Variants in GIMAP8 observed in about 807,000 individuals in gnomAD.
The protein encoded by GIMAP8 is GTPase IMAP family member 8.
A neutral mutation model predicts 35.6 loss-of-function variants in GIMAP8; 29 were observed. The observed-to-expected ratio is 0.81, with a 90% CI of 0.61 to 1.11. The LOEUF is 1.11. Ranked by LOEUF, GIMAP8 falls within the 50% of genes most tolerant of loss-of-function variation. The pLI is 0.00. For synonymous variants in GIMAP8, 335 were observed against 308.7 expected (o/e 1.09, Z -0.89); for missense variants, 811 against 805.0 (o/e 1.01, Z -0.09).
chr7:150,468,979 G>C (rs1325540050), intron 2 of GIMAP8, among the ~76,000 whole-genome samples: 1 of 152,182 alleles, frequency 6.6e-6, no homozygotes, highest in African/African-American at 2.4e-5. Context: ...GGGCTGCATG[G>C]AACAGGGATG....
At chr7:150,463,292 T>C (rs1256037630) in intron 1 of GIMAP8, among the ~76,000 whole-genome samples, 1 of 152,194 alleles carries the variant, frequency 6.6e-6, no homozygotes, top group African/African-American at 2.4e-5. Flanking sequence ...TTTTATATTG[T>C]TGATGTTCCT....
At chr7:150,473,954 G>A (rs1365906199) in intron 3 of GIMAP8, 58 bp from the exon 4 acceptor site, 16 of 1,535,220 alleles carry the variant, frequency 1.0e-5, no homozygotes, top group East Asian at 6.8e-5. Context: ...CATAAAACCT[G>A]CCCACATCCA....
At chr7:150,476,969 G>A in intron 4 of GIMAP8, 123 bp from the exon 5 acceptor site, 3 of 718,280 alleles carry the variant, frequency 4.2e-6, no homozygotes, top group Non-Finnish European at 7.0e-6. Flanking sequence ...GTGAGAAGGA[G>A]GTCTTGATGC....
chr7:150,457,047 C>A (rs1338809226), intron 1 of GIMAP8, among the ~76,000 whole-genome samples: 1 of 152,204 alleles, frequency 6.6e-6, no homozygotes. Flanking sequence ...GATCAGGGGG[C>A]TGACAGCCTT....
rs568717052 is a variant in GIMAP8 at position 150,471,022 on chromosome 7, T to C, written c.682+148T>C. 6.1e-4 allele frequency: 401 copies of C among 660,064 alleles called. 4 individuals are homozygous for C. Among genetic ancestry groups the C allele is most frequent in the Admixed American group, 2.2e-3 (89 of 41,202 alleles). 40.9% of individuals were successfully genotyped at this position (660,064 alleles called of 1,614,324 possible). On this transcript the variant is annotated intron_variant, in intron 3 of 4. Transcript: ENST00000307271. Reference sequence around the variant, plus strand: ...AGGTTGGTTCCCACAAGCTATCCCCTAGGAAACTCCTAACACTTGTGAGTA... The same window carrying C: ...AGGTTGGTTCCCACAAGCTATCCCCCAGGAAACTCCTAACACTTGTGAGTA...
intron 1 of GIMAP8, among the ~76,000 whole-genome samples, chr7:150,454,590 G>A (rs551675766): frequency 6.6e-6 from 1 of 152,156 alleles, no homozygotes; most frequent in South Asian, 2.1e-4. Flanking sequence ...GTGGAGAGAT[G>A]GGGCCTTGAT....
In GIMAP8 at chr7:150,477,839, C is replaced by A. The variant is rs560046482; in HGVS notation, c.*59C>A. On this transcript the variant is annotated 3_prime_UTR_variant, in exon 5 of 5. Transcript: ENST00000307271. ...GACACCCTCAGGTTGGGGGGAGGGG[C>A]GGGGCATGGTACAACCTGTGGGAAG... 9 of 1,396,814 alleles carry A rather than the reference C, an allele frequency of 6.4e-6. No homozygotes were observed. In the South Asian group the frequency reaches 6.5e-5, roughly 10 times the overall value. The allele number at this position is 1,396,814 out of a possible 1,614,324, so 86.5% of individuals were successfully genotyped here. A position where few individuals can be genotyped will look rare whatever the true frequency, so the allele number is the denominator to read the frequency against.
At chr7:150,465,733 T>G (rs1363720871) in intron 1 of GIMAP8, among the ~76,000 whole-genome samples, 1 of 152,124 alleles carries the variant, frequency 6.6e-6, no homozygotes, top group Non-Finnish European at 1.5e-5. Flanking sequence ...GCTCAAGAGT[T>G]TTGGGTTTGA....
At chr7:150,469,753 A>G (rs1802046869) in intron 2 of GIMAP8, among the ~76,000 whole-genome samples, 1 of 152,232 alleles carries the variant, frequency 6.6e-6, no homozygotes, top group South Asian at 2.1e-4. Context: ...GTACAAGAAT[A>G]GTTAGCACAG....
chr7:150,473,889 T>A (rs1373377736), intron 3 of GIMAP8, 123 bp from the exon 4 acceptor site: 30 of 982,918 alleles, frequency 3.1e-5, no homozygotes, highest in Non-Finnish European at 4.6e-5. Flanking sequence ...AGTAGAGTTC[T>A]ACTGGTTTAC....
At position 150,477,262 on chromosome 7, in the gene GIMAP8, A is replaced by G; in HGVS notation, c.1480A>G (p.Thr494Ala). The change falls in exon 5 of 5, where the codon ACT (threonine) becomes GCT (alanine). Residue 494 changes from threonine (T) to alanine (A), a missense_variant. By Grantham distance (58) the Thr-to-Ala change is moderately conservative. Transcript: ENST00000307271. ...WDGQEVVVVDTPSFNQMLDVE... is the reference protein window; with the variant it reads ...WDGQEVVVVDAPSFNQMLDVE... ...CGGACAGGAGGTGGTGGTTGTGGAC[A>G]CTCCTTCCTTCAACCAGATGCTGGA... 6.2e-7 allele frequency: 1 copy of G among 1,613,592 alleles called. No individual in the cohort carries two copies. The highest frequency in any genetic ancestry group is 8.5e-7 in the Non-Finnish European group (1 of 1,179,878).
intron 1 of GIMAP8, among the ~76,000 whole-genome samples, chr7:150,459,340 C>T (rs1801795898): frequency 6.6e-6 from 1 of 152,180 alleles, no homozygotes; most frequent in African/African-American, 2.4e-5. Context: ...AGGTGGCATT[C>T]TTAACTTCTA....
At chr7:150,473,424 G>A (rs1487617884) in intron 3 of GIMAP8, among the ~76,000 whole-genome samples, 2 of 150,392 alleles carry the variant, frequency 1.3e-5, no homozygotes, top group East Asian at 2.0e-4. Flanking sequence ...GCTGCCCCTC[G>A]CCAAAGAGAA....
At chr7:150,452,634 T>A (rs977403656) in intron 1 of GIMAP8, among the ~76,000 whole-genome samples, 1 of 144,174 alleles carries the variant, frequency 6.9e-6, no homozygotes, top group Non-Finnish European at 1.5e-5. Flanking sequence ...TGTGTATATA[T>A]GTATATATAT....
chr7:150,474,225 C>A lies in GIMAP8; in HGVS notation c.896C>A (p.Ser299Ter), dbSNP rs975663263. Residue 299 changes from serine (S) to a stop codon, truncating the protein, a stop_gained, in exon 4 of 5, where the codon TCG (serine) becomes TAG (stop). Transcript: ENST00000307271. LOFTEE classifies it high-confidence loss of function. Reference sequence around the variant, plus strand: ...AGAAGCTGGAGAAAAAAGAAAGTTTCGATCATTGATGCTCCGGACATCTCA... The same window carrying A: ...AGAAGCTGGAGAAAAAAGAAAGTTTAGATCATTGATGCTCCGGACATCTCA... ...ESRSWRKKKV[S>*]IIDAPDISSL... The A allele has an allele frequency of 1.9e-6, 3 of 1,614,006 alleles. No homozygotes were observed. Among genetic ancestry groups the A allele is most frequent in the African/African-American group, 2.7e-5 (2 of 74,900 alleles).
At chr7:150,464,109 T>C (rs1001321600) in intron 1 of GIMAP8, among the ~76,000 whole-genome samples, 2 of 152,188 alleles carry the variant, frequency 1.3e-5, no homozygotes, top group African/African-American at 4.8e-5. Flanking sequence ...TTATTTTCAA[T>C]ATTTGGAGTA....
chr7:150,462,808 T>A (rs1200152637), intron 1 of GIMAP8, among the ~76,000 whole-genome samples: 1 of 151,934 alleles, frequency 6.6e-6, no homozygotes, highest in Non-Finnish European at 1.5e-5. Context: ...GACTACAATA[T>A]GTTTCAGAGA....
intron 1 of GIMAP8, among the ~76,000 whole-genome samples, chr7:150,459,264 AC>A (rs1801794118): frequency 6.6e-6 from 1 of 152,072 alleles, no homozygotes; most frequent in Non-Finnish European, 1.5e-5. Context: ...AGGATCAATC[AC>A]CCCACCCAAT....
Position 150,474,413 on chromosome 7 carries a change from C to T in GIMAP8, c.1084C>T (p.Leu362Phe). 6.2e-7 allele frequency: 1 copy of T among 1,614,022 alleles called. No homozygotes were observed. Among genetic ancestry groups the T allele is most frequent in the South Asian group, 1.1e-5 (1 of 91,070 alleles). Residue 362 changes from leucine to phenylalanine, a missense_variant, in exon 4 of 5, where the codon CTT becomes TTT. Leu to Phe is a conservative substitution (Grantham distance 22, BLOSUM62 0). Transcript: ENST00000307271. ...AAAATTCTTTGAGTACATGATCATA[C>T]TTCTTACCAGGAAAGAAGATTTAGG... ...GEKFFEYMII[L>F]LTRKEDLGDQ...
Sources: gnomAD v4.1 joint callset for allele counts (sites outside exome capture counted in the v4.1 genomes callset) on GRCh38, gnomAD v4.1.1 for gene constraint, MANE v1.5 for transcripts, NCBI Gene and HGNC (gene_info 2026-07-23, HGNC 2026-07-21) for gene names.